The following IL1RAPL1 variants were observed in gnomAD, a reference collection of about 807,000 sequenced individuals.
IL1RAPL1 encodes the protein interleukin 1 receptor accessory protein like 1, also known as interleukin-1 receptor accessory protein-like 1.
In IL1RAPL1, 3 loss-of-function variants were observed where a neutral mutation model predicts 48.4. The observed-to-expected ratio is 0.06, with a 90% CI of 0.03 to 0.16. The LOEUF (loss-of-function observed/expected upper bound fraction) is 0.16. IL1RAPL1 is among the 10% of genes least tolerant of loss of function. The probability of loss-of-function intolerance (pLI) is 1.00; values close to 1 mark genes in which losing one functional copy is unlikely to be tolerated. For synonymous variants in IL1RAPL1, 185 were observed against 187.7 expected, an observed-to-expected ratio of 0.99 and a Z score of 0.12; for missense variants, 349 against 530.6, an observed-to-expected ratio of 0.66 and a Z score of 3.36.
At chrX:29,683,698 C>T (rs985766353) in intron 6 of IL1RAPL1, among the ~76,000 whole-genome samples, 1 of 112,156 alleles carries the variant, frequency 8.9e-6, no homozygotes, top group Non-Finnish European at 1.9e-5. Flanking sequence ...CCATAACCTT[C>T]CTGTAATATT....
chrX:29,273,436 A>T (rs1036855780), intron 2 of IL1RAPL1, among the ~76,000 whole-genome samples: 1 of 110,498 alleles, frequency 9.0e-6, no homozygotes, highest in African/African-American at 3.3e-5. Context: ...GTGTGTTCTA[A>T]CTCTGAGGGA....
chrX:29,550,472 C>T (rs1921778081), intron 5 of IL1RAPL1, among the ~76,000 whole-genome samples: 2 of 112,010 alleles, frequency 1.8e-5, no homozygotes, highest in South Asian at 7.4e-4. Context: ...AGCCACTGCG[C>T]CCGGCCTAAT....
intron 6 of IL1RAPL1, among the ~76,000 whole-genome samples, chrX:29,849,492 G>T: frequency 8.9e-6 from 1 of 112,081 alleles, no homozygotes; most frequent in Non-Finnish European, 1.9e-5. Flanking sequence ...ATTGATTAGT[G>T]CTGTAAAGAA....
chrX:29,441,896 A>G (rs1323170978), intron 5 of IL1RAPL1, among the ~76,000 whole-genome samples: 1 of 112,219 alleles, frequency 8.9e-6, no homozygotes, highest in Non-Finnish European at 1.9e-5. Context: ...AAAATAATAC[A>G]TAGAGTTCCT....
intron 5 of IL1RAPL1, among the ~76,000 whole-genome samples, chrX:29,629,358 T>A (rs183627728): frequency 0.017 from 1,843 of 108,982 alleles, 13 homozygotes; most frequent in Middle Eastern, 0.033. Flanking sequence ...CTTTGGTAGT[T>A]TTTTTTTTTA....
intron 3 of IL1RAPL1, among the ~76,000 whole-genome samples, chrX:29,337,352 T>C (rs1933010063): frequency 8.9e-6 from 1 of 112,004 alleles, no homozygotes; most frequent in South Asian, 3.7e-4. Flanking sequence ...TCTTAAAGCA[T>C]TGTCTAAGAG....
intron 2 of IL1RAPL1, among the ~76,000 whole-genome samples, chrX:28,953,812 G>T (rs963191546): frequency 3.6e-5 from 4 of 110,998 alleles, no homozygotes; most frequent in Non-Finnish European, 7.6e-5. Context: ...TTTAAAGGCA[G>T]TTACTTTAAA....
At chrX:29,384,666 A>T (rs1054069385) in intron 3 of IL1RAPL1, among the ~76,000 whole-genome samples, 1 of 112,372 alleles carries the variant, frequency 8.9e-6, no homozygotes, top group Non-Finnish European at 1.9e-5. Flanking sequence ...CCCTCATTCA[A>T]CTCATGCTAG....
At chrX:28,927,202 A>G (rs1385199404) in intron 2 of IL1RAPL1, among the ~76,000 whole-genome samples, 1 of 111,526 alleles carries the variant, frequency 9.0e-6, no homozygotes, top group Non-Finnish European at 1.9e-5. Flanking sequence ...GCCTAAATCT[A>G]CACTCTTGGC....
intron 2 of IL1RAPL1, among the ~76,000 whole-genome samples, chrX:28,965,425 A>G (rs1183260513): frequency 2.7e-5 from 3 of 111,515 alleles, no homozygotes; most frequent in African/African-American, 3.2e-5. Flanking sequence ...TCTGAAAAAA[A>G]TGCTTTTTGC....
At chrX:29,792,750 C>T (rs186540316) in intron 6 of IL1RAPL1, among the ~76,000 whole-genome samples, 1 of 110,659 alleles carries the variant, frequency 9.0e-6, no homozygotes, top group Non-Finnish European at 1.9e-5. Context: ...ATTTAAACAT[C>T]CCATTTAATC....
intron 5 of IL1RAPL1, among the ~76,000 whole-genome samples, chrX:29,418,125 A>ATATATTTTTTTT (rs1474269220): frequency 1.1e-4 from 3 of 26,712 alleles, no homozygotes; most frequent in African/African-American, 1.7e-4. Context: ...ATATATATAT[A>ATATATTTTTTTT]TTTTTTTTTT....
chrX:28,602,959 T>C (rs1354783367), intron 1 of IL1RAPL1, among the ~76,000 whole-genome samples: 1 of 112,026 alleles, frequency 8.9e-6, no homozygotes, highest in African/African-American at 3.2e-5. Context: ...GACTTAGTTA[T>C]TATGATTAAA....
chrX:29,742,355 T>C (rs777508333), intron 6 of IL1RAPL1, among the ~76,000 whole-genome samples: 1 of 111,490 alleles, frequency 9.0e-6, no homozygotes, highest in Non-Finnish European at 1.9e-5. Flanking sequence ...CATTTTTTTT[T>C]CAGGTCATTT....
At chrX:28,806,279 G>A (rs1380589081) in intron 2 of IL1RAPL1, among the ~76,000 whole-genome samples, 2 of 111,975 alleles carry the variant, frequency 1.8e-5, no homozygotes, top group Non-Finnish European at 3.8e-5. Context: ...TGTAATAGCT[G>A]AAGCTGAAAG....
intron 3 of IL1RAPL1, among the ~76,000 whole-genome samples, chrX:29,285,913 G>A (rs1932277497): frequency 9.0e-6 from 1 of 111,571 alleles, no homozygotes; most frequent in African/African-American, 3.3e-5. Context: ...TGACATTTTG[G>A]CATATTGTTA....
chrX:28,915,558 A>G (rs1923468705), intron 2 of IL1RAPL1, among the ~76,000 whole-genome samples: 1 of 111,758 alleles, frequency 8.9e-6, no homozygotes, highest in African/African-American at 3.3e-5. Flanking sequence ...TACTATTCCC[A>G]GAAACACTAG....
At chrX:28,992,502 G>GAAAAAAAAAAAAAAAAAAAA (rs60650174) in intron 2 of IL1RAPL1, among the ~76,000 whole-genome samples, 4 of 49,592 alleles carry the variant, frequency 8.1e-5, no homozygotes, top group African/African-American at 1.5e-4. Flanking sequence ...AAAAAAAAAA[G>GAAAAAAAAAAAAAAAAAAAA]AAAAAAAAAA....
intron 2 of IL1RAPL1, among the ~76,000 whole-genome samples, chrX:28,868,057 TA>T (rs1386728518): frequency 1.8e-5 from 2 of 111,901 alleles, no homozygotes; most frequent in Admixed American, 9.5e-5. Flanking sequence ...ACAATCTTTT[TA>T]TTTTTCAAAG....
Sources: allele counts gnomAD v4.1 joint callset (sites outside exome capture counted in the v4.1 genomes callset), GRCh38; gene constraint gnomAD v4.1.1; transcripts MANE v1.5; gene names NCBI Gene and HGNC (gene_info 2026-07-23, HGNC 2026-07-21).